The following MAP3K7CL variants were observed in gnomAD, a reference collection of about 807,000 sequenced individuals.
MAP3K7CL encodes MAP3K7 C-terminal-like protein.
In MAP3K7CL, 16 loss-of-function variants were observed where a neutral mutation model predicts 18.6. The observed-to-expected ratio is 0.86, with a 90% CI of 0.58 to 1.31. The LOEUF is 1.31. Among genes scored for constraint, MAP3K7CL ranks in the 50% most tolerant of loss-of-function variants. MAP3K7CL has a pLI of 0.00. For missense variants in MAP3K7CL, 163 were observed against 174.4 expected (o/e 0.93, Z 0.37); for synonymous variants, 65 against 66.8 (o/e 0.97, Z 0.13).
intron 2 of MAP3K7CL, among the ~76,000 whole-genome samples, chr21:29,143,566 G>A (rs1052417425): frequency 2.0e-5 from 3 of 151,922 alleles, no homozygotes; most frequent in Admixed American, 2.0e-4. Context: ...GGGATTACAG[G>A]CATGTGCCAC....
chr21:29,091,355 A>G, intron 1 of MAP3K7CL: 1 of 539,834 alleles, frequency 1.9e-6, no homozygotes, highest in Non-Finnish European at 3.3e-6. Flanking sequence ...TTTAAAAAAT[A>G]GAATGTTTTT....
intron 2 of MAP3K7CL, among the ~76,000 whole-genome samples, chr21:29,136,352 G>A (rs192996733): frequency 6.6e-6 from 1 of 152,152 alleles, no homozygotes; most frequent in East Asian, 1.9e-4. Context: ...CACATTTAGG[G>A]GGAAACAAAG....
rs1376489081 is a variant in MAP3K7CL at position 29,130,687 on chromosome 21, G to A, written c.-276G>A. ...AGAGAGGCAAGGAAAGGAGAGAGGG[G>A]TTGTGAAGGGAAGCGGAAGGGAAGG... On this transcript the variant is annotated 5_prime_UTR_variant, in exon 1 of 5. Coordinates refer to ENST00000399928, the MANE Select transcript of MAP3K7CL (RefSeq NM_001286620.2). The A allele has an allele frequency of 5.1e-6, 5 of 985,552 alleles. No homozygotes were observed. Among genetic ancestry groups the A allele is most frequent in the Non-Finnish European group, 6.0e-6 (5 of 830,002 alleles). The allele number at this position is 985,552 out of a possible 1,614,324, so 61.1% of individuals were successfully genotyped here. A position where few individuals can be genotyped will look rare whatever the true frequency, so the allele number is the denominator to read the frequency against.
chr21:29,087,754 C>T (rs747350847), intron 1 of MAP3K7CL, among the ~76,000 whole-genome samples: 9 of 151,846 alleles, frequency 5.9e-5, no homozygotes, highest in Admixed American at 1.3e-4. Flanking sequence ...CCACCACGAC[C>T]GGCTAATTTT....
chr21:29,154,637 C>T (rs1030358436), intron 3 of MAP3K7CL, among the ~76,000 whole-genome samples: 9 of 152,140 alleles, frequency 5.9e-5, no homozygotes, highest in African/African-American at 2.2e-4. Flanking sequence ...CAATATATTG[C>T]TTGACATCTG....
intron 4 of MAP3K7CL, among the ~76,000 whole-genome samples, chr21:29,103,286 G>A (rs148626255): frequency 4.7e-4 from 72 of 152,248 alleles, no homozygotes; most frequent in African/African-American, 1.6e-3. Flanking sequence ...CCATTTGGCC[G>A]TATGTTACAG....
intron 1 of MAP3K7CL, among the ~76,000 whole-genome samples, chr21:29,078,396 C>T (rs2085783449): frequency 6.6e-6 from 1 of 152,044 alleles, no homozygotes; most frequent in Non-Finnish European, 1.5e-5. Context: ...ATAATTTATA[C>T]CCTTATTCAC....
intron 3 of MAP3K7CL, among the ~76,000 whole-genome samples, chr21:29,159,616 A>G (rs574264901): frequency 1.3e-5 from 2 of 152,324 alleles, no homozygotes; most frequent in South Asian, 4.1e-4. Context: ...TCCGGGGAGT[A>G]CGGTAGAATC....
intron 1 of MAP3K7CL, among the ~76,000 whole-genome samples, chr21:29,090,703 A>G (rs1323395269): frequency 6.6e-6 from 1 of 151,182 alleles, no homozygotes; most frequent in Non-Finnish European, 1.5e-5. Flanking sequence ...AGAAAAATCA[A>G]TTTTAGTGAC....
At chr21:29,171,440 A>G (rs1229498433) in intron 4 of MAP3K7CL, among the ~76,000 whole-genome samples, 3 of 152,204 alleles carry the variant, frequency 2.0e-5, no homozygotes, top group African/African-American at 7.2e-5. Flanking sequence ...TAGAACTTTT[A>G]TCCTTATTTA....
intron 2 of MAP3K7CL, among the ~76,000 whole-genome samples, chr21:29,141,467 T>C (rs541297911): frequency 1.2e-4 from 18 of 151,380 alleles, no homozygotes; most frequent in African/African-American, 4.1e-4. Flanking sequence ...GAGCCGAGAT[T>C]GAGTCACTGC....
At chr21:29,085,535 A>G (rs1428136069), upstream of MAP3K7CL, among the ~76,000 whole-genome samples, 2 of 124,876 alleles carry the variant, frequency 1.6e-5, no homozygotes, top group African/African-American at 6.4e-5. Context: ...TGACAGAGCC[A>G]GACTCTGTCT....
At chr21:29,080,127 T>C (rs919879005) in intron 1 of MAP3K7CL, among the ~76,000 whole-genome samples, 2 of 152,236 alleles carry the variant, frequency 1.3e-5, no homozygotes, top group African/African-American at 4.8e-5. Flanking sequence ...GAATCAACTG[T>C]TGATGAACTA....
chr21:29,174,626 C>A, intron 4 of MAP3K7CL, 86 bp from the exon 5 acceptor site: 3 of 1,467,278 alleles, frequency 2.0e-6, no homozygotes, highest in Non-Finnish European at 2.8e-6. Flanking sequence ...ATGAATCATT[C>A]TACTTCCATC....
rs397727880 is a variant in MAP3K7CL, at chr21:29,100,083, TAAAAAAAAAA to T, written c.370+7514_370+7523del. On this transcript the variant is annotated intron_variant, in intron 4 of 6. Coordinates refer to the MAP3K7CL transcript ENST00000286791. ...GGGCGACAGAGCGAGACTCCGTCTT[TAAAAAAAAAA>T]AAAAAAAAAAAGGAAATGGATCTCC... Among the ~76,000 whole-genome samples the T allele has an allele frequency of 3.3e-5, 4 of 122,828 alleles. No individual in the cohort carries two copies. In the South Asian group the frequency reaches 1.0e-3, roughly 32 times the overall value. 80.6% of individuals were successfully genotyped at this position (122,828 alleles called of 152,430 possible). A position where few individuals can be genotyped will look rare whatever the true frequency, so the allele number is the denominator to read the frequency against.
chr21:29,082,541 A>T (rs928608816), upstream of MAP3K7CL, among the ~76,000 whole-genome samples: 29 of 152,316 alleles, frequency 1.9e-4, no homozygotes, highest in Admixed American at 1.6e-3. Context: ...ACATGGTCTC[A>T]GCCTCTAGTA....
chr21:29,140,645 C>T (rs927989261), intron 2 of MAP3K7CL, among the ~76,000 whole-genome samples: 7 of 152,192 alleles, frequency 4.6e-5, no homozygotes, highest in Non-Finnish European at 1.0e-4. Flanking sequence ...CAACAAATAG[C>T]TTCCCAAAGG....
At chr21:29,148,242 G>C (rs2087189130) in intron 2 of MAP3K7CL, among the ~76,000 whole-genome samples, 1 of 151,926 alleles carries the variant, frequency 6.6e-6, no homozygotes, top group South Asian at 2.1e-4. Flanking sequence ...TAGGTATACT[G>C]TATGTGTACT....
chr21:29,120,536 T>C (rs2086574427), intron 4 of MAP3K7CL, among the ~76,000 whole-genome samples: 1 of 152,176 alleles, frequency 6.6e-6, no homozygotes, highest in Non-Finnish European at 1.5e-5. Flanking sequence ...CCTAGCTGAG[T>C]GTCTGGGACA....
Sources: gnomAD v4.1 joint callset for allele counts (sites outside exome capture counted in the v4.1 genomes callset) on GRCh38, gnomAD v4.1.1 for gene constraint, MANE v1.5 for transcripts, NCBI Gene and HGNC (gene_info 2026-07-23, HGNC 2026-07-21) for gene names.